Variants in PRPF39 observed in about 807,000 individuals in gnomAD.
PRPF39 encodes the protein pre-mRNA-processing factor 39.
Under a neutral mutation model 82.1 loss-of-function variants are expected in PRPF39, and 27 were observed. That is an observed-to-expected ratio of 0.33 (90% CI 0.24 to 0.45). The LOEUF (loss-of-function observed/expected upper bound fraction) is 0.45, where lower values mean the gene tolerates loss of function less well. Ranked by LOEUF, PRPF39 falls within the 20% of genes least tolerant of loss-of-function variation. The pLI, the probability that PRPF39 is intolerant of heterozygous loss-of-function variation, is 1.00. For missense variants in PRPF39, 581 were observed against 796.9 expected, an observed-to-expected ratio of 0.73 and a Z score of 3.26; for synonymous variants, 261 against 256.4, an observed-to-expected ratio of 1.02 and a Z score of -0.17.
chr14:45,111,404 G>A (rs1317142042), intron 10 of PRPF39, among the ~76,000 whole-genome samples: 1 of 151,108 alleles, frequency 6.6e-6, no homozygotes, highest in African/African-American at 2.4e-5. Flanking sequence ...GTGCCATCTT[G>A]GCTCACTTCA....
chr14:45,087,613 A>G (rs1412700196), intron 1 of PRPF39, among the ~76,000 whole-genome samples: 1 of 150,842 alleles, frequency 6.6e-6, no homozygotes, highest in Admixed American at 6.6e-5. Flanking sequence ...TTGCTCTGTC[A>G]CCCAGGCTGG....
In PRPF39 at chr14:45,114,581, C is replaced by T. The variant is rs137918613; in HGVS notation, c.1920C>T (p.Asn640=). 3 of 1,609,782 alleles carry T rather than the reference C, an allele frequency of 1.9e-6. No homozygotes were observed. Among genetic ancestry groups the T allele is most frequent in the Non-Finnish European group, 2.5e-6 (3 of 1,178,418 alleles). Residue 640 remains asparagine, a synonymous_variant, in exon 13 of 14, where the codon AAC becomes AAT. Coordinates refer to ENST00000355765, the MANE Select transcript of PRPF39 (RefSeq NM_017922.4). ...TGATTGATGGTGATTTACAGGCAAA[C>T]CAAGCTGTATATAATTATAGTGCGT... is the stretch of plus-strand genomic sequence containing the variant. ...TQMIDGDLQA[N]QAVYNYSAWY...
intron 5 of PRPF39, among the ~76,000 whole-genome samples, chr14:45,103,126 A>G (rs1242985505): frequency 6.6e-6 from 1 of 152,172 alleles, no homozygotes; most frequent in Admixed American, 6.5e-5. Flanking sequence ...AACACCTTAT[A>G]TCCAAAACAG....
intron 1 of PRPF39, among the ~76,000 whole-genome samples, chr14:45,085,692 C>A (rs1303353985): frequency 6.6e-6 from 1 of 152,128 alleles, no homozygotes; most frequent in Non-Finnish European, 1.5e-5. Flanking sequence ...CGTGTGACTA[C>A]TTAGCCCTTA....
intron 1 of PRPF39, among the ~76,000 whole-genome samples, chr14:45,088,084 A>G (rs1192429843): frequency 6.6e-6 from 1 of 152,214 alleles, no homozygotes; most frequent in Non-Finnish European, 1.5e-5. Context: ...ACTCTCAAGA[A>G]TTGTGTAATC....
At chr14:45,098,303 C>T (rs1314689443) in intron 4 of PRPF39, among the ~76,000 whole-genome samples, 1 of 151,900 alleles carries the variant, frequency 6.6e-6, no homozygotes, top group Non-Finnish European at 1.5e-5. Flanking sequence ...ATTAGCTGGG[C>T]ATGGTGGCGC....
chr14:45,108,771 A>G (rs553969976), intron 7 of PRPF39, among the ~76,000 whole-genome samples: 1 of 152,290 alleles, frequency 6.6e-6, no homozygotes, highest in African/African-American at 2.4e-5. Flanking sequence ...TTTTATTCTA[A>G]TTGTTCAATT....
intron 1 of PRPF39, among the ~76,000 whole-genome samples, chr14:45,092,395 G>T (rs942427690): frequency 6.6e-6 from 1 of 151,998 alleles, no homozygotes; most frequent in Non-Finnish European, 1.5e-5. Context: ...GAGGTCAGGA[G>T]ATCAAGACCA....
chr14:45,115,667 G>A lies in PRPF39; in HGVS notation c.*754G>A, dbSNP rs1000530472. The A allele has an allele frequency of 6.6e-6, 1 of 152,502 alleles. No homozygotes were observed. The highest frequency in any genetic ancestry group is 1.5e-5 in the Non-Finnish European group (1 of 68,084). 9.4% of individuals were successfully genotyped at this position (152,502 alleles called of 1,614,324 possible). A position where few individuals can be genotyped will look rare whatever the true frequency, so the allele number is the denominator to read the frequency against. Reference sequence around the variant, plus strand: ...TAACCTTATGTTCACCTTTATTAGTGGCTCATTGGTTTTGAAGTACACCTT... The same window carrying A: ...TAACCTTATGTTCACCTTTATTAGTAGCTCATTGGTTTTGAAGTACACCTT... On this transcript the variant is annotated 3_prime_UTR_variant, in exon 14 of 14. Transcript: ENST00000355765.
chr14:45,090,856 C>T (rs1230098443), intron 1 of PRPF39, among the ~76,000 whole-genome samples: 1 of 152,032 alleles, frequency 6.6e-6, no homozygotes, highest in Non-Finnish European at 1.5e-5. Flanking sequence ...GCTGGACATC[C>T]ATCAGGCATT....
At chr14:45,092,012 C>T (rs1240449394) in intron 1 of PRPF39, among the ~76,000 whole-genome samples, 1 of 152,206 alleles carries the variant, frequency 6.6e-6, no homozygotes, top group Non-Finnish European at 1.5e-5. Flanking sequence ...TTATAGACTA[C>T]TTCATGGACA....
chr14:45,096,295 A>ATTTTT (rs374922767), intron 3 of PRPF39, 67 bp downstream of exon 3: 197 of 1,289,294 alleles, frequency 1.5e-4, no homozygotes, highest in South Asian at 6.2e-4. Context: ...CAAAACAAAG[A>ATTTTT]TTTTTTTTTT....
chr14:45,103,797 T>C lies in PRPF39; in HGVS notation c.737+1101T>C, dbSNP rs115057955. Among the ~76,000 whole-genome samples the C allele has an allele frequency of 3.9e-3, 597 of 152,292 alleles. 11 individuals carry two copies. The highest frequency in any genetic ancestry group is 0.014 in the African/African-American group (575 of 41,566). ...ACCAAACACATAAGTACAAAAGTAC[T>C]TAAATTACCTGATGGGCCAAAGAGG... is the stretch of plus-strand genomic sequence containing the variant. On this transcript the variant is annotated intron_variant, in intron 5 of 13. Coordinates refer to ENST00000355765, the MANE Select transcript of PRPF39 (RefSeq NM_017922.4).
chr14:45,108,863 T>A (rs564054752), intron 7 of PRPF39, among the ~76,000 whole-genome samples: 7 of 152,286 alleles, frequency 4.6e-5, no homozygotes, highest in Non-Finnish European at 8.8e-5. Flanking sequence ...TGAGGTAATT[T>A]CCCACAGTTT....
intron 5 of PRPF39, among the ~76,000 whole-genome samples, chr14:45,106,459 G>A (rs940487872): frequency 6.6e-6 from 1 of 152,136 alleles, no homozygotes; most frequent in African/African-American, 2.4e-5. Flanking sequence ...TTCAAATTGT[G>A]ATAGTGTAGA....
intron 3 of PRPF39, 187 bp downstream of exon 3, chr14:45,096,415 T>C (rs571885721): frequency 1.3e-6 from 2 of 1,503,584 alleles, no homozygotes; most frequent in Non-Finnish European, 1.8e-6. Context: ...TTTCTCTCTT[T>C]GTTGGCAGGT....
intron 5 of PRPF39, among the ~76,000 whole-genome samples, chr14:45,105,472 C>T (rs1884498608): frequency 6.7e-6 from 1 of 149,000 alleles, no homozygotes; most frequent in African/African-American, 2.5e-5. Context: ...CCGTTAGCCT[C>T]TGTATCCATT....
At chr14:45,091,395 G>T (rs969665046) in intron 1 of PRPF39, among the ~76,000 whole-genome samples, 5 of 152,144 alleles carry the variant, frequency 3.3e-5, no homozygotes, top group Non-Finnish European at 5.9e-5. Context: ...ACCCACCTTG[G>T]CTTCCCGAAG....
At chr14:45,114,154 C>T (rs1014777848) in intron 11 of PRPF39, 29 bp from the exon 12 acceptor site, 4 of 1,495,184 alleles carry the variant, frequency 2.7e-6, no homozygotes, top group Admixed American at 3.9e-5. Context: ...TTTGTATATT[C>T]CAGAGGATAT....
Sources: gnomAD v4.1 joint callset for allele counts (sites outside exome capture counted in the v4.1 genomes callset) on GRCh38, gnomAD v4.1.1 for gene constraint, MANE v1.5 for transcripts, NCBI Gene and HGNC (gene_info 2026-07-23, HGNC 2026-07-21) for gene names.